The following KIRREL3 variants were observed in gnomAD, a reference collection of about 807,000 sequenced individuals.
The protein encoded by KIRREL3 is kin of IRRE-like protein 3.
Under a neutral mutation model 89.7 loss-of-function variants are expected in KIRREL3, and 36 were observed. The observed-to-expected ratio is 0.40, with a 90% CI of 0.31 to 0.53. The LOEUF is 0.53. Among genes scored for constraint, KIRREL3 ranks in the 20% least tolerant of loss-of-function variants. The pLI is 0.49. For missense variants in KIRREL3, 864 were observed against 1,056.6 expected, an observed-to-expected ratio of 0.82 and a Z score of 2.53; for synonymous variants, 445 against 441.4, an observed-to-expected ratio of 1.01 and a Z score of -0.10.
intron 1 of KIRREL3, among the ~76,000 whole-genome samples, chr11:126,822,151 A>AT (rs1943246951): frequency 6.6e-6 from 1 of 152,232 alleles, no homozygotes; most frequent in African/African-American, 2.4e-5. Flanking sequence ...CTCAGCTTTC[A>AT]TAAGTATAAT....
chr11:126,987,357 T>A lies in KIRREL3; in HGVS notation c.55+13098A>T, dbSNP rs1949896009. ...TACAACCGTCTATGTATTTTCAAAC[T>A]TTCCTTGGCATGAATACAATGGCAT... is the stretch of plus-strand genomic sequence containing the variant. On this transcript the variant is annotated intron_variant, in intron 1 of 16. Transcript: ENST00000525144. This position sits in a 1 kb window ranked among gnomAD's most constrained non-coding sequence, Gnocchi z 4.6. 6.6e-6 allele frequency among the ~76,000 whole-genome samples: 1 copy of A among 152,222 alleles called. No homozygotes were observed. The highest frequency in any genetic ancestry group is 6.5e-5 in the Admixed American group (1 of 15,284).
rs941485520 is a variant in KIRREL3 at position 126,557,014 on chromosome 11, G to A, written c.133+5821C>T. Among the ~76,000 whole-genome samples the A allele has an allele frequency of 2.6e-5, 4 of 152,260 alleles. No individual in the cohort carries two copies. The highest frequency in any genetic ancestry group is 4.2e-4 in the South Asian group (2 of 4,818). ...GTATTAGCCAACATCCCGGGGGCTC[G>A]GCAGGCAGTGGAGGAATGGGCTCAG... On this transcript the variant is annotated intron_variant, in intron 2 of 16. Coordinates refer to ENST00000525144, the MANE Select transcript of KIRREL3 (RefSeq NM_032531.4). This position sits in a 1 kb window ranked among gnomAD's most constrained non-coding sequence, Gnocchi z 5.6.
Position 126,708,340 on chromosome 11 carries a change from G to GA in KIRREL3, c.56-145429_56-145428insT, listed in dbSNP as rs397784401. Among the ~76,000 whole-genome samples, 2 of 151,630 alleles carry GA rather than the reference G, an allele frequency of 1.3e-5. No individual in the cohort carries two copies. Among genetic ancestry groups the GA allele is most frequent in the South Asian group, 4.2e-4 (2 of 4,754 alleles). ...GAATAACAATGTACTCCTCACCAAGGCATTTAGCCAGAAAAGTGCTCCTGC... is the reference window on the plus strand; with the variant it reads ...GAATAACAATGTACTCCTCACCAAGGACATTTAGCCAGAAAAGTGCTCCTGC... On this transcript the variant is annotated intron_variant, in intron 1 of 16. Coordinates refer to ENST00000525144, the MANE Select transcript of KIRREL3 (RefSeq NM_032531.4). The surrounding 1 kb of genome is among the most constrained non-coding windows in gnomAD (Gnocchi z 5.7).
intron 1 of KIRREL3, among the ~76,000 whole-genome samples, chr11:126,679,552 T>A (rs569756763): frequency 6.6e-6 from 1 of 152,182 alleles, no homozygotes; most frequent in East Asian, 1.9e-4. Flanking sequence ...GAGCTAAGAT[T>A]TGAATCCAAG....
rs1304889633 is a variant in KIRREL3, at chr11:126,508,576, GC to G, written c.433+12738del. On this transcript the variant is annotated intron_variant, in intron 4 of 16. Transcript: ENST00000525144. The surrounding 1 kb of genome is among the most constrained non-coding windows in gnomAD (Gnocchi z 4.9). ...AGCAGGGCTCCTGGAGTTCCCAGGG[GC>G]TAGGAAGAAACCTGTTTCATAGTGA... is the stretch of plus-strand genomic sequence containing the variant. 3.3e-5 allele frequency among the ~76,000 whole-genome samples: 5 copies of G among 152,304 alleles called. No individual in the cohort carries two copies. In the East Asian group the frequency reaches 9.7e-4, roughly 29 times the overall value.
In KIRREL3 at chr11:126,844,855, G is replaced by T. The variant is rs905449886; in HGVS notation, c.55+155600C>A. On this transcript the variant is annotated intron_variant, in intron 1 of 16. Coordinates refer to ENST00000525144, the MANE Select transcript of KIRREL3 (RefSeq NM_032531.4). This position sits in a 1 kb window ranked among gnomAD's most constrained non-coding sequence, Gnocchi z 4.8. ...AAAAGGGAAACTTGAGAGCCAACAG[G>T]TCTGCTGGAAGAGATCCTTTTGCTA... Among the ~76,000 whole-genome samples, 11 of 152,146 alleles carry T rather than the reference G, an allele frequency of 7.2e-5. No individual in the cohort carries two copies. Among genetic ancestry groups the T allele is most frequent in the Admixed American group, 6.5e-4 (10 of 15,278 alleles).
chr11:126,980,801 T>C (rs1278304738), intron 1 of KIRREL3, among the ~76,000 whole-genome samples: 1 of 152,148 alleles, frequency 6.6e-6, no homozygotes, highest in Non-Finnish European at 1.5e-5. Flanking sequence ...GTTTTTAGAA[T>C]GTTGTTTTAA....
At chr11:126,460,179 C>A (rs564049737) in intron 6 of KIRREL3, among the ~76,000 whole-genome samples, 4 of 152,266 alleles carry the variant, frequency 2.6e-5, no homozygotes, top group South Asian at 4.1e-4. Context: ...CATACAAGCA[C>A]CTTCAGGCTA....
intron 1 of KIRREL3, among the ~76,000 whole-genome samples, chr11:126,785,711 T>G (rs1019546082): frequency 6.6e-5 from 10 of 151,690 alleles, no homozygotes; most frequent in Non-Finnish European, 1.2e-4. Context: ...CTGTCTCTAC[T>G]GAAATACAAA....
rs1374177300 is a variant in KIRREL3, at chr11:126,628,523, C to G, written c.56-65611G>C. 2.0e-5 allele frequency among the ~76,000 whole-genome samples: 3 copies of G among 152,192 alleles called. No homozygotes were observed. Among genetic ancestry groups the G allele is most frequent in the African/African-American group, 7.2e-5 (3 of 41,458 alleles). On this transcript the variant is annotated intron_variant, in intron 1 of 16. Coordinates refer to ENST00000525144, the MANE Select transcript of KIRREL3 (RefSeq NM_032531.4). This position sits in a 1 kb window ranked among gnomAD's most constrained non-coding sequence, Gnocchi z 5.2. Reference sequence around the variant, plus strand: ...AACAGTATATCCCGTTCTCCTAGCTCTCAAAACAATGGTGGGTGATTTCAT... The same window carrying G: ...AACAGTATATCCCGTTCTCCTAGCTGTCAAAACAATGGTGGGTGATTTCAT...
Position 126,953,185 on chromosome 11 carries a change from GA to G in KIRREL3, c.55+47269del, listed in dbSNP as rs1167879058. Among the ~76,000 whole-genome samples, 1 of 152,180 alleles carries G rather than the reference GA, an allele frequency of 6.6e-6. No individual in the cohort carries two copies. On this transcript the variant is annotated intron_variant, in intron 1 of 16. Coordinates refer to ENST00000525144, the MANE Select transcript of KIRREL3 (RefSeq NM_032531.4). This position sits in a 1 kb window ranked among gnomAD's most constrained non-coding sequence, Gnocchi z 5.2. Reference sequence around the variant, plus strand: ...AGAATGAGTTCATGTCCTTTGCAGGGATATGGATGAAACTGGAAACCATCAT... The same window carrying G: ...AGAATGAGTTCATGTCCTTTGCAGGGTATGGATGAAACTGGAAACCATCAT...
intron 1 of KIRREL3, among the ~76,000 whole-genome samples, chr11:126,875,201 G>A (rs190008965): frequency 2.0e-5 from 3 of 152,166 alleles, no homozygotes; most frequent in East Asian, 1.9e-4. Flanking sequence ...TGTCCAAAGC[G>A]TAGGCCATTG....
Position 126,473,449 on chromosome 11 carries a change from C to T in KIRREL3, c.451G>A (p.Val151Ile), listed in dbSNP as rs372003906. The T allele has an allele frequency of 4.1e-5, 64 of 1,559,628 alleles. No homozygotes were observed. The African/African-American group carries it at 5.7e-4, about 14-fold the overall frequency. The change falls in exon 5 of 17, where the codon GTC becomes ATC. Residue 151 changes from valine to isoleucine, a missense_variant. Physicochemically the swap from Val to Ile is conservative, Grantham distance 29. Transcript: ENST00000525144. Reference sequence around the variant, plus strand: ...CTGATCACAGGGCCCCCCAGGATGACGGGGTCATCAGGCGGCACTGCGGGG... The same window carrying T: ...CTGATCACAGGGCCCCCCAGGATGATGGGGTCATCAGGCGGCACTGCGGGG... Reference protein sequence around the residue: ...LTVLVPPDDPVILGGPVISLR... With the variant: ...LTVLVPPDDPIILGGPVISLR...
intron 1 of KIRREL3, among the ~76,000 whole-genome samples, chr11:126,972,204 G>GAGAGAGAGAGAGAGAGA (rs1555110558): frequency 4.0e-3 from 584 of 146,044 alleles, no homozygotes; most frequent in Non-Finnish European, 6.1e-3. Flanking sequence ...GAGAGAGAGA[G>GAGAGAGAGAGAGAGAGA]GACTGTGCAT....
In KIRREL3 at chr11:126,795,415, C is replaced by G. The variant is rs10750338; in HGVS notation, c.55+205040G>C. On this transcript the variant is annotated intron_variant, in intron 1 of 16. Transcript: ENST00000525144. This position sits in a 1 kb window ranked among gnomAD's most constrained non-coding sequence, Gnocchi z 4.1. Reference sequence around the variant, plus strand: ...GACAGAGTCTCAGTCTGTGACCCAGCCTGGAGTGCAGTGGCGTGATCTCTG... The same window carrying G: ...GACAGAGTCTCAGTCTGTGACCCAGGCTGGAGTGCAGTGGCGTGATCTCTG... Among the ~76,000 whole-genome samples the G allele has an allele frequency of 0.87, 132,229 of 152,218 alleles. 57,769 individuals are homozygous for G. Among genetic ancestry groups the G allele is most frequent in the East Asian group, 1 (5,165 of 5,172 alleles).
rs1203398801 is a variant in KIRREL3, at chr11:126,870,226, T to G, written c.55+130229A>C. 6.6e-6 allele frequency among the ~76,000 whole-genome samples: 1 copy of G among 152,148 alleles called. No homozygotes were observed. Among genetic ancestry groups the G allele is most frequent in the Non-Finnish European group, 1.5e-5 (1 of 68,020 alleles). ...AAGCCACATCCTGTCTGCCCCAGGC[T>G]CATATTCTGCCAGGGACCACACTGA... On this transcript the variant is annotated intron_variant, in intron 1 of 16. Coordinates refer to ENST00000525144, the MANE Select transcript of KIRREL3 (RefSeq NM_032531.4). The surrounding 1 kb of genome is among the most constrained non-coding windows in gnomAD (Gnocchi z 4.4).
chr11:126,642,816 A>G lies in KIRREL3; in HGVS notation c.56-79904T>C, dbSNP rs1478817227. Among the ~76,000 whole-genome samples the G allele has an allele frequency of 6.6e-6, 1 of 152,324 alleles. No individual in the cohort carries two copies. Among genetic ancestry groups the G allele is most frequent in the South Asian group, 2.1e-4 (1 of 4,820 alleles). The stretch of plus-strand genomic sequence containing the variant: ...CAAGGGTTATGATTTTGTATGTGCA[A>G]AATTCTGAACTGTACATCCAGTTGA... On this transcript the variant is annotated intron_variant, in intron 1 of 16. Transcript: ENST00000525144. The surrounding 1 kb of genome is among the most constrained non-coding windows in gnomAD (Gnocchi z 4.9).
chr11:126,453,003 A>G (rs1956231224), intron 7 of KIRREL3, among the ~76,000 whole-genome samples: 1 of 151,794 alleles, frequency 6.6e-6, no homozygotes, highest in Non-Finnish European at 1.5e-5. Context: ...GCCTCTCCTG[A>G]TTTTGGTGCA....
At chr11:126,973,372 G>A (rs1949486967) in intron 1 of KIRREL3, among the ~76,000 whole-genome samples, 1 of 152,194 alleles carries the variant, frequency 6.6e-6, no homozygotes, top group African/African-American at 2.4e-5. Context: ...CCTTCTCTGT[G>A]TGAAGGCCAA....
Sources: allele counts gnomAD v4.1 joint callset (sites outside exome capture counted in the v4.1 genomes callset), GRCh38; gene constraint gnomAD v4.1.1; non-coding constraint Gnocchi (gnomAD v3.1); transcripts MANE v1.5; gene names NCBI Gene and HGNC (gene_info 2026-07-23, HGNC 2026-07-21).